The following NHS variants were observed in gnomAD, a reference collection of about 807,000 sequenced individuals.
The protein encoded by NHS is NHS actin remodeling regulator, also known as actin remodeling regulator NHS.
NHS carries 5 observed loss-of-function variants against 72.5 expected under a neutral mutation model. The observed-to-expected ratio is 0.07, with a 90% CI of 0.04 to 0.14. The LOEUF is 0.14. Among genes scored for constraint, NHS ranks in the 10% least tolerant of loss-of-function variants. The pLI is 1.00. For synonymous variants in NHS, 464 were observed against 547.7 expected, an observed-to-expected ratio of 0.85 and a Z score of 2.13; for missense variants, 1,072 against 1,355.7, an observed-to-expected ratio of 0.79 and a Z score of 3.29.
chrX:17,637,070 C>T (rs184347756), intron 1 of NHS, among the ~76,000 whole-genome samples: 27 of 111,668 alleles, frequency 2.4e-4, no homozygotes, highest in Admixed American at 2.2e-3. Context: ...AATGTGCAGC[C>T]GTAAGAAGTA....
rs188755078 is a variant in NHS, at chrX:17,421,244, T to C, written c.565+44922T>C. 3.8e-3 allele frequency among the ~76,000 whole-genome samples: 386 copies of C among 100,410 alleles called. 3 individuals carry two copies. The highest frequency in any genetic ancestry group is 9.6e-3 in the Middle Eastern group (2 of 209). The allele number at this position is 100,410 out of a possible 115,157, so 87.2% of individuals were successfully genotyped here. A position where few individuals can be genotyped will look rare whatever the true frequency, so the allele number is the denominator to read the frequency against. The stretch of plus-strand genomic sequence containing the variant: ...AGCTCTACGTGTGTGTGTGTGTGTG[T>C]GCGCGCACACACACACACACACGCC... On this transcript the variant is annotated intron_variant, in intron 1 of 8. Coordinates refer to ENST00000676302, the MANE Select transcript of NHS (RefSeq NM_001291867.2).
Position 17,727,581 on chromosome X carries a change from A to G in NHS, c.3475A>G (p.Asn1159Asp), listed in dbSNP as rs1465602725. 8.3e-7 allele frequency: 1 copy of G among 1,209,894 alleles called. No homozygotes were observed. The highest frequency in any genetic ancestry group is 2.2e-5 in the Admixed American group (1 of 45,751). The change falls in exon 7 of 9, where the codon AAT (asparagine) becomes GAT (aspartate). Residue 1159 changes from asparagine (N) to aspartate (D), a missense_variant. By Grantham distance (23) the Asn-to-Asp change is conservative. Coordinates refer to ENST00000676302, the MANE Select transcript of NHS (RefSeq NM_001291867.2). ...AGAAGTTAAGCAAAAAGAAGAAAAC[A>G]ATACAGATCTCCCTTATTTAGAGGA... ...SEEVKQKEEN[N>D]TDLPYLEEST...
intron 1 of NHS, among the ~76,000 whole-genome samples, chrX:17,526,682 CTAT>C (rs1322374405): frequency 1.8e-5 from 2 of 111,629 alleles, no homozygotes; most frequent in African/African-American, 6.5e-5. Context: ...ACGTGACTGG[CTAT>C]TATTTCTATG....
chrX:17,536,568 T>C (rs1368889608), intron 1 of NHS, among the ~76,000 whole-genome samples: 1 of 112,399 alleles, frequency 8.9e-6, no homozygotes, highest in Non-Finnish European at 1.9e-5. Flanking sequence ...GAGTCAGATT[T>C]GTGATTTATT....
intron 1 of NHS, among the ~76,000 whole-genome samples, chrX:17,481,552 T>TTG (rs1323708795): frequency 1.8e-5 from 2 of 111,700 alleles, no homozygotes; most frequent in African/African-American, 3.3e-5. Flanking sequence ...TTGTTTTGTC[T>TTG]TGTGTGTGTG....
intron 1 of NHS, among the ~76,000 whole-genome samples, chrX:17,641,972 G>A (rs941096817): frequency 3.6e-5 from 4 of 110,949 alleles, no homozygotes; most frequent in African/African-American, 1.3e-4. Context: ...TGTTGTTGGA[G>A]TCTTGCTCTG....
At chrX:17,643,572 T>C (rs2065892167) in intron 1 of NHS, among the ~76,000 whole-genome samples, 1 of 111,910 alleles carries the variant, frequency 8.9e-6, no homozygotes, top group Non-Finnish European at 1.9e-5. Context: ...TGAGAAGTGG[T>C]GTCACTTGGA....
At chrX:17,553,098 G>A (rs1000640584) in intron 1 of NHS, among the ~76,000 whole-genome samples, 4 of 112,930 alleles carry the variant, frequency 3.5e-5, no homozygotes, top group Non-Finnish European at 7.5e-5. Flanking sequence ...ACTCTTATCT[G>A]TGGGGGTCCT....
rs1447836333 is a variant in NHS at position 17,732,711 on chromosome X, A to G, written c.*247A>G. ...TCTTTAGCATAGTTTGATTTACGCAATCTCCTTCCTTGTGAAAATAGAGGA... is the reference window on the plus strand; with the variant it reads ...TCTTTAGCATAGTTTGATTTACGCAGTCTCCTTCCTTGTGAAAATAGAGGA... On this transcript the variant is annotated 3_prime_UTR_variant, in exon 9 of 9. Transcript: ENST00000676302. The G allele has an allele frequency of 3.5e-5, 14 of 396,410 alleles. No individual in the cohort carries two copies. The highest frequency in any genetic ancestry group is 7.5e-4 in the Middle Eastern group (1 of 1,336). The allele number at this position is 396,410 out of a possible 1,213,427, so 32.7% of individuals were successfully genotyped here. A position where few individuals can be genotyped will look rare whatever the true frequency, so the allele number is the denominator to read the frequency against.
intron 1 of NHS, among the ~76,000 whole-genome samples, chrX:17,470,172 G>A (rs1343704735): frequency 9.1e-6 from 1 of 110,047 alleles, no homozygotes; most frequent in African/African-American, 3.3e-5. Flanking sequence ...GAAACTGAGG[G>A]GGTGAAGCAG....
intron 1 of NHS, among the ~76,000 whole-genome samples, chrX:17,552,689 C>T (rs1474584361): frequency 1.8e-5 from 2 of 111,815 alleles, no homozygotes; most frequent in African/African-American, 6.5e-5. Flanking sequence ...TGCCTGCCAC[C>T]CCAGTATTAT....
intron 1 of NHS, among the ~76,000 whole-genome samples, chrX:17,668,866 C>T (rs1321033741): frequency 3.6e-5 from 4 of 111,417 alleles, no homozygotes; most frequent in Non-Finnish European, 7.5e-5. Context: ...GTGTAGAACA[C>T]ACTTCAGAGT....
At chrX:17,663,522 GT>G (rs1196556177) in intron 1 of NHS, among the ~76,000 whole-genome samples, 2 of 111,823 alleles carry the variant, frequency 1.8e-5, no homozygotes, top group African/African-American at 6.5e-5. Flanking sequence ...ATTCAGCATA[GT>G]ATTTTTGAAA....
chrX:17,445,955 T>C (rs1274551126), intron 1 of NHS, among the ~76,000 whole-genome samples: 1 of 110,403 alleles, frequency 9.1e-6, no homozygotes, highest in Non-Finnish European at 1.9e-5. Flanking sequence ...ATGTCCTGGG[T>C]CCTCCCAATT....
intron 1 of NHS, among the ~76,000 whole-genome samples, chrX:17,630,020 C>T (rs1159846212): frequency 9.3e-6 from 1 of 107,607 alleles, no homozygotes; most frequent in Non-Finnish European, 1.9e-5. Flanking sequence ...GCACAAATCG[C>T]CAGGTGGCCA....
chrX:17,669,898 C>T (rs962589776), intron 1 of NHS, among the ~76,000 whole-genome samples: 2 of 112,205 alleles, frequency 1.8e-5, no homozygotes, highest in African/African-American at 6.5e-5. Context: ...TAGTTCAGGC[C>T]CTGAATGCTC....
intron 1 of NHS, among the ~76,000 whole-genome samples, chrX:17,452,672 T>A (rs1475281335): frequency 9.0e-6 from 1 of 111,685 alleles, no homozygotes; most frequent in African/African-American, 3.3e-5. Flanking sequence ...CTGATCTAGA[T>A]CATTTTAAAA....
chrX:17,485,062 G>A lies in NHS; in HGVS notation c.565+108740G>A, dbSNP rs888964620. On this transcript the variant is annotated intron_variant, in intron 1 of 8. Coordinates refer to ENST00000676302, the MANE Select transcript of NHS (RefSeq NM_001291867.2). ...TTACATTGCACATATTGGCAGCTCCGTTGTCCTCATAAAAAGAAGCATGAT... is the reference window on the plus strand; with the variant it reads ...TTACATTGCACATATTGGCAGCTCCATTGTCCTCATAAAAAGAAGCATGAT... Among the ~76,000 whole-genome samples the A allele has an allele frequency of 9.0e-5, 10 of 111,421 alleles. No individual in the cohort carries two copies. In the South Asian group the frequency reaches 3.0e-3, roughly 34 times the overall value.
At chrX:17,627,416 A>G (rs1411020352) in intron 1 of NHS, among the ~76,000 whole-genome samples, 3 of 112,529 alleles carry the variant, frequency 2.7e-5, no homozygotes. Context: ...CAGAGGACCA[A>G]TGACCACACA....
Sources: gnomAD v4.1 joint callset for allele counts (sites outside exome capture counted in the v4.1 genomes callset) on GRCh38, gnomAD v4.1.1 for gene constraint, MANE v1.5 for transcripts, NCBI Gene and HGNC (gene_info 2026-07-23, HGNC 2026-07-21) for gene names.